Variants in DRD3 observed in about 807,000 individuals in gnomAD.
DRD3 encodes D(3) dopamine receptor.
A neutral mutation model predicts 36.3 loss-of-function variants in DRD3; 19 were observed. That is an observed-to-expected ratio of 0.52 (90% CI 0.36 to 0.77). The LOEUF (loss-of-function observed/expected upper bound fraction) is 0.77. DRD3 is among the 30% of genes least tolerant of loss of function. DRD3 has a pLI of 0.00. For missense variants in DRD3, 465 were observed against 505.3 expected, an observed-to-expected ratio of 0.92 and a Z score of 0.77; for synonymous variants, 195 against 203.7, an observed-to-expected ratio of 0.96 and a Z score of 0.36.
rs2107885396 is a variant in DRD3, at chr3:114,172,014, T to C, written c.-22A>G. ...CCATAGCCCAGAGGGAGGTGCGTGA[T>C]GCCAAGGGGCTTCCTGTGAGGAGAC... On this transcript the variant is annotated 5_prime_UTR_variant, in exon 2 of 7. Coordinates refer to ENST00000383673, the MANE Select transcript of DRD3 (RefSeq NM_000796.6). 3 of 1,414,554 alleles carry C rather than the reference T, an allele frequency of 2.1e-6. No individual in the cohort carries two copies. In the East Asian group the frequency reaches 8.1e-5, roughly 38 times the overall value. The allele number at this position is 1,414,554 out of a possible 1,614,324, so 87.6% of individuals were successfully genotyped here.
At chr3:114,182,298 T>A (rs2077952337), upstream of DRD3, among the ~76,000 whole-genome samples, 2 of 152,060 alleles carry the variant, frequency 1.3e-5, no homozygotes, top group Admixed American at 1.3e-4. Flanking sequence ...TGTAATACAG[T>A]TCTTGAAAGA....
At chr3:114,185,950 G>A (rs6781255) in intron 1 of DRD3, among the ~76,000 whole-genome samples, 9,351 of 152,164 alleles carry the variant, frequency 0.061, 970 homozygotes, top group African/African-American at 0.21. Flanking sequence ...TGGTAACTCT[G>A]TAAATCAGAT....
rs200201221 is a variant in DRD3 at position 114,147,494 on chromosome 3, G to A, written c.447C>T (p.Arg149=). The A allele has an allele frequency of 2.0e-5, 33 of 1,613,974 alleles. No individual in the cohort carries two copies. Among genetic ancestry groups the A allele is most frequent in the Non-Finnish European group, 2.5e-5 (30 of 1,180,030 alleles). Residue 149 remains arginine, a synonymous_variant, in exon 4 of 7, where the codon CGC becomes CGT. Coordinates refer to ENST00000383673, the MANE Select transcript of DRD3 (RefSeq NM_000796.6). Reference sequence around the variant, plus strand: ...AGACGGCCGTGATCATGAGGGCCACGCGCCGACAGGAGCTCTGTCCCGTGC... The same window carrying A: ...AGACGGCCGTGATCATGAGGGCCACACGCCGACAGGAGCTCTGTCCCGTGC... ...QHGTGQSSCR[R]VALMITAVWV...
At chr3:114,179,339 G>T (rs908021342), upstream of DRD3, among the ~76,000 whole-genome samples, 1 of 152,116 alleles carries the variant, frequency 6.6e-6, no homozygotes, top group South Asian at 2.1e-4. Context: ...GGAAAAGAAG[G>T]TTAAAGGAAA....
chr3:114,189,195 A>G (rs974935887), intron 1 of DRD3, among the ~76,000 whole-genome samples: 1 of 152,192 alleles, frequency 6.6e-6, no homozygotes, highest in Non-Finnish European at 1.5e-5. Flanking sequence ...AATCCAGCCT[A>G]TATCGTTTGA....
intron 3 of DRD3, among the ~76,000 whole-genome samples, chr3:114,150,352 A>T (rs575800154): frequency 1.3e-5 from 2 of 152,342 alleles, no homozygotes; most frequent in African/African-American, 4.8e-5. Flanking sequence ...ACTTCTAACT[A>T]TGAACTCTTA....
chr3:114,193,867 A>G (rs1328890397), intron 1 of DRD3, among the ~76,000 whole-genome samples: 1 of 152,214 alleles, frequency 6.6e-6, no homozygotes, highest in Non-Finnish European at 1.5e-5. Context: ...TGCAAATATA[A>G]AACAGTTTCA....
intron 1 of DRD3, among the ~76,000 whole-genome samples, chr3:114,197,277 A>ATTTTTTTTTTTTTTT (rs58452737): frequency 1.1e-5 from 1 of 89,368 alleles, no homozygotes; most frequent in Non-Finnish European, 2.1e-5. Flanking sequence ...AATTAAAAAA[A>ATTTTTTTTTTTTTTT]TTTTTTTTTT....
At chr3:114,177,108 A>G (rs187691779) in intron 1 of DRD3, among the ~76,000 whole-genome samples, 33 of 152,290 alleles carry the variant, frequency 2.2e-4, no homozygotes, top group Admixed American at 1.8e-3. Flanking sequence ...TACTAATTTT[A>G]CAATCTCACT....
chr3:114,139,789 G>GCAGGCACCA, intron 4 of DRD3, 93 bp from the exon 5 acceptor site: 1 of 1,196,662 alleles, frequency 8.4e-7, no homozygotes, highest in Non-Finnish European at 1.2e-6. Flanking sequence ...TGTGGTGCCT[G>GCAGGCACCA]CACTTTCTGC....
At chr3:114,156,877 T>TTC (rs149194341) in intron 3 of DRD3, among the ~76,000 whole-genome samples, 2 of 9,094 alleles carry the variant, frequency 2.2e-4, no homozygotes, top group South Asian at 6.8e-3. Context: ...TTCTTTTTCT[T>TTC]TCTCTTTCTT....
intron 1 of DRD3, among the ~76,000 whole-genome samples, chr3:114,190,957 A>G (rs544608323): frequency 6.6e-6 from 1 of 152,288 alleles, no homozygotes; most frequent in Admixed American, 6.5e-5. Flanking sequence ...TTTGGGCCTT[A>G]TAGGGTATGG....
chr3:114,146,440 G>A lies in DRD3; in HGVS notation c.526+975C>T, dbSNP rs115312384. Among the ~76,000 whole-genome samples the A allele has an allele frequency of 4.8e-3, 735 of 152,226 alleles. 8 individuals are homozygous for A. The highest frequency in any genetic ancestry group is 0.017 in the African/African-American group (701 of 41,536). Reference sequence around the variant, plus strand: ...ACACGTTAAATTACTGAGGCTGGCCGAACGCGGTGGCTCACACTTGTAATC... The same window carrying A: ...ACACGTTAAATTACTGAGGCTGGCCAAACGCGGTGGCTCACACTTGTAATC... On this transcript the variant is annotated intron_variant, in intron 4 of 6. Transcript: ENST00000383673.
At chr3:114,198,756 G>C (rs1377171309) in intron 1 of DRD3, among the ~76,000 whole-genome samples, 1 of 151,508 alleles carries the variant, frequency 6.6e-6, no homozygotes, top group African/African-American at 2.4e-5. Context: ...TGTTTTTTTA[G>C]AGGCAAGGTC....
chr3:114,182,376 G>C (rs1394210412), upstream of DRD3, among the ~76,000 whole-genome samples: 1 of 152,106 alleles, frequency 6.6e-6, no homozygotes, highest in East Asian at 1.9e-4. Context: ...ACAAGAGAAT[G>C]GCAGGAAATA....
upstream of DRD3, among the ~76,000 whole-genome samples, chr3:114,180,217 A>G (rs997634646): frequency 6.6e-6 from 1 of 152,160 alleles, no homozygotes; most frequent in Non-Finnish European, 1.5e-5. Flanking sequence ...TTATATTTAG[A>G]AATCATTTAG....
upstream of DRD3, among the ~76,000 whole-genome samples, chr3:114,183,518 G>T (rs1318924333): frequency 6.6e-6 from 1 of 152,048 alleles, no homozygotes; most frequent in Non-Finnish European, 1.5e-5. Flanking sequence ...ATTGAAGGTG[G>T]AATGTTAAAG....
At chr3:114,196,893 T>C (rs987861123) in intron 1 of DRD3, among the ~76,000 whole-genome samples, 2 of 152,074 alleles carry the variant, frequency 1.3e-5, no homozygotes, top group Non-Finnish European at 1.5e-5. Flanking sequence ...TTATCTAATA[T>C]ATGCTTTGTA....
rs539171157 is a variant in DRD3 at position 114,163,817 on chromosome 3, G to T, written c.271-3950C>A. Among the ~76,000 whole-genome samples the T allele has an allele frequency of 1.4e-4, 22 of 152,280 alleles. No individual in the cohort carries two copies. In the South Asian group the frequency reaches 4.6e-3, roughly 32 times the overall value. On this transcript the variant is annotated intron_variant, in intron 2 of 6. Coordinates refer to ENST00000383673, the MANE Select transcript of DRD3 (RefSeq NM_000796.6). ...GGGTATGGGTGAACTGAGGGCCCGG[G>T]AGATAAGTACTTAAAAAACAGCTAT...
Sources: allele counts gnomAD v4.1 joint callset (sites outside exome capture counted in the v4.1 genomes callset), GRCh38; gene constraint gnomAD v4.1.1; transcripts MANE v1.5; gene names NCBI Gene and HGNC (gene_info 2026-07-23, HGNC 2026-07-21).